FRMPD3: variants seen among roughly 807,000 people sequenced by gnomAD.
FRMPD3 encodes FERM and PDZ domain-containing protein 3.
Under a neutral mutation model 97.9 loss-of-function variants are expected in FRMPD3, and 42 were observed. That is an observed-to-expected ratio of 0.43 (90% CI 0.34 to 0.55). The LOEUF is 0.55. Ranked by LOEUF, FRMPD3 falls within the 20% of genes least tolerant of loss-of-function variation. The pLI is 0.03. For synonymous variants in FRMPD3, 577 were observed against 581.1 expected (o/e 0.99, Z 0.10); for missense variants, 1,303 against 1,457.7 (o/e 0.89, Z 1.73).
intron 13 of FRMPD3, among the ~76,000 whole-genome samples, chrX:107,576,989 C>A (rs1293765673): frequency 9.2e-6 from 1 of 109,044 alleles, no homozygotes; most frequent in African/African-American, 3.3e-5. Flanking sequence ...GTTTGCTCTC[C>A]TCACATGCTG....
At position 107,449,951 on chromosome X, in the gene FRMPD3, G is replaced by A. The variant is rs1931247361; in HGVS notation, c.-62G>A. Among the ~76,000 whole-genome samples, 1 of 110,506 alleles carries A rather than the reference G, an allele frequency of 9.0e-6. No homozygotes were observed. The highest frequency in any genetic ancestry group is 1.9e-5 in the Non-Finnish European group (1 of 52,315). On this transcript the variant is annotated 5_prime_UTR_variant, in exon 1 of 15. Coordinates refer to ENST00000683843, the MANE Select transcript of FRMPD3 (RefSeq NM_001388459.1). The stretch of plus-strand genomic sequence containing the variant: ...CCGCCGCTGCCGCGCCGCTGAGGAG[G>A]CGGAGGAGGAGGAGGAGGAGGAGGA...
chrX:107,490,803 C>G lies in FRMPD3; in HGVS notation c.-7-35779C>G, dbSNP rs1325833947. Among the ~76,000 whole-genome samples, 9 of 111,651 alleles carry G rather than the reference C, an allele frequency of 8.1e-5. No homozygotes were observed. In the Admixed American group the frequency reaches 8.6e-4, roughly 11 times the overall value. ...GAAAGGTGTGTGGTATGTACATAAG[C>G]CTTTCATGGGCCTGTCCATGATTTT... is the stretch of plus-strand genomic sequence containing the variant. On this transcript the variant is annotated intron_variant, in intron 1 of 14. Coordinates refer to ENST00000683843, the MANE Select transcript of FRMPD3 (RefSeq NM_001388459.1).
intron 1 of FRMPD3, among the ~76,000 whole-genome samples, chrX:107,522,916 C>T (rs1421509923): frequency 1.1e-5 from 1 of 93,795 alleles, no homozygotes; most frequent in Non-Finnish European, 2.1e-5. Flanking sequence ...AAACAAACCT[C>T]GTGGGGTGGC....
intron 13 of FRMPD3, among the ~76,000 whole-genome samples, chrX:107,582,186 CT>C (rs1204660012): frequency 1.9e-3 from 198 of 102,472 alleles, no homozygotes; most frequent in Admixed American, 2.2e-3. Flanking sequence ...TACTGTCCAT[CT>C]TTTTTTTTTT....
intron 8 of FRMPD3, chrX:107,555,262 T>TA (rs1305279908): frequency 5.4e-5 from 6 of 110,898 alleles, no homozygotes; most frequent in African/African-American, 2.0e-4. Flanking sequence ...GGATGTGAGG[T>TA]AAAGAGGAGT....
At chrX:107,456,974 T>C (rs1051393239) in intron 1 of FRMPD3, among the ~76,000 whole-genome samples, 6 of 111,751 alleles carry the variant, frequency 5.4e-5, no homozygotes, top group African/African-American at 2.0e-4. Context: ...CCATAGCTGG[T>C]TGGGGACAGA....
chrX:107,565,257 A>G (rs919508716), intron 12 of FRMPD3, among the ~76,000 whole-genome samples, 191 bp downstream of exon 12: 6 of 112,122 alleles, frequency 5.4e-5, no homozygotes, highest in Non-Finnish European at 9.4e-5. Flanking sequence ...TGACCACATA[A>G]TAAGGTCAGC....
chrX:107,532,946 T>G (rs938474863), intron 3 of FRMPD3, among the ~76,000 whole-genome samples: 2 of 112,239 alleles, frequency 1.8e-5, no homozygotes, highest in African/African-American at 6.5e-5. Flanking sequence ...ATATTTGCTA[T>G]CTGGAGAGTT....
In FRMPD3 at chrX:107,585,627, T is replaced by A. The variant is rs766440690; in HGVS notation, c.1441+9168T>A. Among the ~76,000 whole-genome samples, 8 of 112,024 alleles carry A rather than the reference T, an allele frequency of 7.1e-5. No homozygotes were observed. In the South Asian group the frequency reaches 3.0e-3, roughly 42 times the overall value. ...TGAGATATGTTCCATCAATACCTAG[T>A]CTGTTGAGATTTTTTAACATGAAGG... On this transcript the variant is annotated intron_variant, in intron 13 of 14. Transcript: ENST00000683843.
chrX:107,537,889 A>T (rs912804970), intron 4 of FRMPD3, among the ~76,000 whole-genome samples: 4 of 112,029 alleles, frequency 3.6e-5, no homozygotes, highest in Non-Finnish European at 5.6e-5. Flanking sequence ...AGACATGTGC[A>T]GAGTGTGAAA....
intron 1 of FRMPD3, chrX:107,522,404 G>T (rs753442003): frequency 3.6e-6 from 2 of 557,781 alleles, no homozygotes; most frequent in Admixed American, 4.4e-5. Context: ...TACAGGCTGG[G>T]CTAGGACGTA....
chrX:107,555,737 A>T (rs893913592), intron 8 of FRMPD3, among the ~76,000 whole-genome samples: 1 of 112,018 alleles, frequency 8.9e-6, no homozygotes, highest in African/African-American at 3.2e-5. Context: ...ATGTGCAGCC[A>T]AAGTAAAGAA....
intron 12 of FRMPD3, among the ~76,000 whole-genome samples, chrX:107,567,062 T>C (rs1443048602): frequency 2.7e-5 from 3 of 112,421 alleles, no homozygotes; most frequent in African/African-American, 9.7e-5. Context: ...CTGTGTGACC[T>C]TCAGAAAGTG....
intron 1 of FRMPD3, among the ~76,000 whole-genome samples, chrX:107,523,955 G>C (rs1338789093): frequency 8.9e-6 from 1 of 111,918 alleles, no homozygotes; most frequent in Non-Finnish European, 1.9e-5. Flanking sequence ...ACTGAGCGTA[G>C]GACAGTATCC....
chrX:107,600,464 C>G lies in FRMPD3; in HGVS notation c.2425C>G (p.Leu809Val). 8.3e-7 allele frequency: 1 copy of G among 1,210,805 alleles called. No homozygotes were observed. Among genetic ancestry groups the G allele is most frequent in the Non-Finnish European group, 1.1e-6 (1 of 895,325 alleles). Residue 809 changes from leucine (L) to valine (V), a missense_variant, in exon 15 of 15, where the codon CTT (leucine) becomes GTT (valine). Leu to Val is a conservative substitution (Grantham distance 32). Coordinates refer to ENST00000683843, the MANE Select transcript of FRMPD3 (RefSeq NM_001388459.1). ...CCAGCACCTCAACAAGGACAGCCTC[C>G]TTGCCCGCAAGGACCTGCCCTTCCG... Reference protein sequence around the residue: ...LAQHLNKDSLLARKDLPFRIQ... With the variant: ...LAQHLNKDSLVARKDLPFRIQ...
intron 1 of FRMPD3, among the ~76,000 whole-genome samples, chrX:107,484,807 T>C (rs1200967295): frequency 8.9e-6 from 1 of 112,146 alleles, no homozygotes; most frequent in Non-Finnish European, 1.9e-5. Flanking sequence ...GAATAGATAC[T>C]GGTCAGGCAG....
At chrX:107,581,015 T>C (rs1923357139) in intron 13 of FRMPD3, among the ~76,000 whole-genome samples, 1 of 111,644 alleles carries the variant, frequency 9.0e-6, no homozygotes, top group Non-Finnish European at 1.9e-5. Context: ...ATGAGGATAA[T>C]ACTATTACCT....
intron 7 of FRMPD3, among the ~76,000 whole-genome samples, chrX:107,553,954 C>T (rs1412043120): frequency 8.9e-6 from 1 of 112,332 alleles, no homozygotes; most frequent in Non-Finnish European, 1.9e-5. Flanking sequence ...GATGTTTCAT[C>T]TGTACCTTGA....
At chrX:107,455,631 A>G (rs1931363646) in intron 1 of FRMPD3, among the ~76,000 whole-genome samples, 1 of 111,505 alleles carries the variant, frequency 9.0e-6, no homozygotes, top group Non-Finnish European at 1.9e-5. Context: ...TTAAATCCCC[A>G]TAGCATATGT....
Sources: gnomAD v4.1 joint callset for allele counts (sites outside exome capture counted in the v4.1 genomes callset) on GRCh38, gnomAD v4.1.1 for gene constraint, MANE v1.5 for transcripts, NCBI Gene and HGNC (gene_info 2026-07-23, HGNC 2026-07-21) for gene names.